PCDH15: variants seen among roughly 807,000 people sequenced by gnomAD.
PCDH15 encodes the protein protocadherin-15.
A neutral mutation model predicts 178.5 loss-of-function variants in PCDH15; 129 were observed. The ratio of observed to expected loss-of-function variants is 0.72; its 90% CI spans 0.63 to 0.84. The LOEUF (loss-of-function observed/expected upper bound fraction) is 0.84, where lower values mean the gene tolerates loss of function less well. Ranked by LOEUF, PCDH15 falls within the 40% of genes least tolerant of loss-of-function variation. The probability of loss-of-function intolerance (pLI) is 0.00; values close to 1 mark genes in which losing one functional copy is unlikely to be tolerated. For missense variants in PCDH15, 2,230 were observed against 2,099.9 expected (o/e 1.06, Z -1.21); for synonymous variants, 800 against 732.0 (o/e 1.09, Z -1.50).
intron 2 of PCDH15, among the ~76,000 whole-genome samples, chr10:54,616,599 T>A (rs1555100677): frequency 6.6e-6 from 1 of 152,056 alleles, no homozygotes; most frequent in African/African-American, 2.4e-5. Flanking sequence ...TCTGATTTTT[T>A]TAAAAAATTA....
chr10:54,957,596 G>A (rs552125716), intron 2 of PCDH15, among the ~76,000 whole-genome samples: 10 of 151,574 alleles, frequency 6.6e-5, no homozygotes, highest in South Asian at 4.2e-4. Flanking sequence ...AAGAAATACC[G>A]TAACTATAAT....
chr10:54,254,730 C>T (rs2056767802), intron 8 of PCDH15, among the ~76,000 whole-genome samples: 1 of 152,118 alleles, frequency 6.6e-6, no homozygotes, highest in Non-Finnish European at 1.5e-5. Flanking sequence ...TCTGTTTTGT[C>T]CTTGTAGTAG....
chr10:54,570,817 AT>A (rs113582458), intron 2 of PCDH15, among the ~76,000 whole-genome samples: 78 of 9,966 alleles, frequency 7.8e-3, no homozygotes, highest in South Asian at 0.021. Context: ...ACGCCTGGCT[AT>A]TTTTTTTTTT....
At chr10:54,706,547 A>G (rs2095366544) in intron 1 of PCDH15, among the ~76,000 whole-genome samples, 1 of 152,184 alleles carries the variant, frequency 6.6e-6, no homozygotes. Context: ...TTTAAGTTTT[A>G]CACCTACCAT....
Position 54,308,116 on chromosome 10 carries a change from C to T in PCDH15, c.876+9155G>A, listed in dbSNP as rs2060665542. On this transcript the variant is annotated intron_variant, in intron 8 of 37. Transcript: ENST00000644397. ...ACATCACACAAGATTTAAATTCAGA[C>T]TCTGAGTGCTTACAAACTATCTTAC... Among the ~76,000 whole-genome samples, 3 of 152,034 alleles carry T rather than the reference C, an allele frequency of 2.0e-5. No homozygotes were observed. The South Asian group carries it at 6.2e-4, about 31-fold the overall frequency.
intron 3 of PCDH15, among the ~76,000 whole-genome samples, chr10:54,429,424 A>G (rs533366304): frequency 6.6e-6 from 1 of 152,170 alleles, no homozygotes. Context: ...GGAAGTGAAG[A>G]CCACAAAATC....
At chr10:53,906,708 G>C (rs956357210) in intron 25 of PCDH15, among the ~76,000 whole-genome samples, 4 of 152,012 alleles carry the variant, frequency 2.6e-5, no homozygotes, top group African/African-American at 7.2e-5. Context: ...GGAAGTTGTA[G>C]AGCCTTTAAA....
At chr10:54,028,002 G>A (rs1037254845) in intron 18 of PCDH15, among the ~76,000 whole-genome samples, 2 of 150,484 alleles carry the variant, frequency 1.3e-5, no homozygotes, top group Admixed American at 1.3e-4. Flanking sequence ...GAGTGAACAG[G>A]CAACCCACAC....
chr10:54,922,281 T>C (rs1837514102), intron 2 of PCDH15, among the ~76,000 whole-genome samples: 1 of 152,108 alleles, frequency 6.6e-6, no homozygotes, highest in South Asian at 2.1e-4. Context: ...CTTCCACTTA[T>C]GGGCCTGTAA....
intron 2 of PCDH15, among the ~76,000 whole-genome samples, chr10:55,449,573 A>T (rs1038973917): frequency 5.3e-5 from 8 of 152,146 alleles, no homozygotes; most frequent in South Asian, 2.1e-4. Context: ...TAAAACTAAA[A>T]AGGGACATGA....
At chr10:55,442,031 C>T (rs1490001618) in intron 2 of PCDH15, among the ~76,000 whole-genome samples, 2 of 152,088 alleles carry the variant, frequency 1.3e-5, no homozygotes, top group African/African-American at 4.8e-5. Flanking sequence ...AACTAAAGGG[C>T]ATGTGGCTCT....
rs142859974 is a variant in PCDH15 at position 54,186,836 on chromosome 10, T to A, written c.1306-1568A>T. ...AAATCTAACATGTTAGTTTTAAAAA[T>A]AAATTATGTATTTTTAAAAGTCAAT... On this transcript the variant is annotated intron_variant, in intron 11 of 37. Transcript: ENST00000644397. Among the ~76,000 whole-genome samples the A allele has an allele frequency of 2.5e-3, 376 of 152,130 alleles. 1 individual carries two copies. Among genetic ancestry groups the A allele is most frequent in the African/African-American group, 8.7e-3 (361 of 41,564 alleles).
At chr10:55,152,677 G>A (rs1427773354) in intron 2 of PCDH15, among the ~76,000 whole-genome samples, 1 of 152,132 alleles carries the variant, frequency 6.6e-6, no homozygotes, top group East Asian at 1.9e-4. Context: ...ATGAGAACTT[G>A]AACTGTGATA....
chr10:55,299,250 GT>G (rs1336422793), intron 1 of PCDH15, among the ~76,000 whole-genome samples: 1 of 152,042 alleles, frequency 6.6e-6, no homozygotes, highest in Non-Finnish European at 1.5e-5. Flanking sequence ...GAAATAAGAT[GT>G]AACCCATCAA....
intron 26 of PCDH15, among the ~76,000 whole-genome samples, chr10:53,869,366 A>G (rs949565029): frequency 1.6e-4 from 25 of 152,200 alleles, no homozygotes; most frequent in African/African-American, 6.0e-4. Context: ...AGAAAAAGGC[A>G]TATTCCCAGC....
chr10:55,492,077 A>T (rs1489585030), intron 2 of PCDH15, among the ~76,000 whole-genome samples: 1 of 151,790 alleles, frequency 6.6e-6, no homozygotes, highest in Non-Finnish European at 1.5e-5. Flanking sequence ...AGGAGTGACT[A>T]CCAGGAATAT....
At chr10:54,340,685 G>C (rs1942064199) in intron 6 of PCDH15, among the ~76,000 whole-genome samples, 1 of 152,152 alleles carries the variant, frequency 6.6e-6, no homozygotes, top group African/African-American at 2.4e-5. Context: ...TGGGTGACTT[G>C]AAAGATCCAA....
chr10:53,931,313 C>T (rs561734897), intron 25 of PCDH15, among the ~76,000 whole-genome samples: 40 of 152,294 alleles, frequency 2.6e-4, no homozygotes, highest in African/African-American at 9.4e-4. Flanking sequence ...AGTTAGCAGT[C>T]AGCCATCAGG....
intron 2 of PCDH15, among the ~76,000 whole-genome samples, chr10:55,004,056 A>G (rs1270097588): frequency 1.3e-5 from 2 of 152,020 alleles, no homozygotes; most frequent in Non-Finnish European, 2.9e-5. Context: ...TACTTGCTAT[A>G]TTTTTTGTGA....
Sources: gnomAD v4.1 joint callset for allele counts (sites outside exome capture counted in the v4.1 genomes callset) on GRCh38, gnomAD v4.1.1 for gene constraint, MANE v1.5 for transcripts, NCBI Gene and HGNC (gene_info 2026-07-23, HGNC 2026-07-21) for gene names.